The following ARID4B variants were observed in gnomAD, a reference collection of about 807,000 sequenced individuals.
ARID4B encodes the protein AT-rich interaction domain 4B.
In ARID4B, 26 loss-of-function variants were observed where a neutral mutation model predicts 147.5. The ratio of observed to expected loss-of-function variants is 0.18; its 90% CI spans 0.13 to 0.24. ARID4B has a LOEUF of 0.24. ARID4B is among the 10% of genes least tolerant of loss of function. ARID4B has a pLI of 1.00. For missense variants in ARID4B, 1,179 were observed against 1,511.5 expected (o/e 0.78, Z 3.65); for synonymous variants, 512 against 507.9 (o/e 1.01, Z -0.11).
intron 16 of ARID4B, among the ~76,000 whole-genome samples, chr1:235,218,606 T>A (rs989050739): frequency 6.6e-6 from 1 of 152,138 alleles, no homozygotes; most frequent in African/African-American, 2.4e-5. Context: ...TTTTCTTCCA[T>A]GTTTGTATGG....
Position 235,255,743 on chromosome 1 carries a change from G to C in ARID4B, c.191C>G (p.Ala64Gly). The change falls in exon 5 of 24, where the codon GCT becomes GGT. Residue 64 changes from alanine to glycine, a missense_variant. Physicochemically the swap from Ala to Gly is moderately conservative, Grantham distance 60 (BLOSUM62 0). Transcript: ENST00000264183. The part of the protein sequence containing the change: ...DHIKGPLKVG[A>G]IVEVKNLDGA... The stretch of plus-strand genomic sequence containing the variant: ...ATCAAGATTCTTCACTTCCACAATA[G>C]CTCCTACCTAAAGTATTTTTAAACA... 1.2e-6 allele frequency: 2 copies of C among 1,603,270 alleles called. No homozygotes were observed. The highest frequency in any genetic ancestry group is 2.7e-5 in the African/African-American group (2 of 74,466).
chr1:235,275,070 G>A (rs2103157648), intron 2 of ARID4B, among the ~76,000 whole-genome samples: 1 of 152,064 alleles, frequency 6.6e-6, no homozygotes, highest in Admixed American at 6.6e-5. Context: ...GCACATATGA[G>A]GGACCCAACA....
At chr1:235,290,466 G>A (rs1314673265) in intron 2 of ARID4B, among the ~76,000 whole-genome samples, 1 of 150,306 alleles carries the variant, frequency 6.7e-6, no homozygotes, top group Admixed American at 6.7e-5. Context: ...GCTTTAATCA[G>A]TAACCCTACT....
In ARID4B at chr1:235,181,963, T is replaced by C; in HGVS notation, c.2956A>G (p.Lys986Glu). ...ESCSPSVELE[K>E]PPPVNVDSKP... ...CTATCGACATTGACTGGAGGTGGTT[T>C]TTCTAGTTCTACACTGGGTGAACAA... The change falls in exon 20 of 24, where the codon AAA (lysine) becomes GAA (glutamate). Residue 986 changes from lysine to glutamate, a missense_variant. Physicochemically the swap from Lys to Glu is moderately conservative, Grantham distance 56. This residue lies in a region of ARID4B where 357 missense variants were observed against 427.3 expected (regional missense o/e 0.84). Coordinates refer to ENST00000264183, the MANE Select transcript of ARID4B (RefSeq NM_016374.6). 1.9e-6 allele frequency: 3 copies of C among 1,614,044 alleles called. No homozygotes were observed. The highest frequency in any genetic ancestry group is 1.1e-5 in the South Asian group (1 of 91,068).
intron 11 of ARID4B, among the ~76,000 whole-genome samples, chr1:235,227,721 T>C (rs1337768812): frequency 2.6e-5 from 4 of 152,146 alleles, no homozygotes; most frequent in Non-Finnish European, 4.4e-5. Flanking sequence ...CTTTGAGCCA[T>C]ATTTTATGGC....
intron 16 of ARID4B, among the ~76,000 whole-genome samples, chr1:235,218,130 T>G (rs898398915): frequency 6.6e-6 from 1 of 152,196 alleles, no homozygotes; most frequent in Non-Finnish European, 1.5e-5. Context: ...CACAGGTAAC[T>G]GAAACTGTGG....
At chr1:235,309,225 G>A (rs1448416599) in intron 2 of ARID4B, among the ~76,000 whole-genome samples, 5 of 149,904 alleles carry the variant, frequency 3.3e-5, no homozygotes, top group Non-Finnish European at 7.4e-5. Context: ...GAAGTGGGGA[G>A]ACCCTCCACC....
chr1:235,270,435 A>C (rs1422245142), intron 2 of ARID4B, among the ~76,000 whole-genome samples: 1 of 149,464 alleles, frequency 6.7e-6, no homozygotes, highest in East Asian at 1.9e-4. Flanking sequence ...TATCTTCTTA[A>C]AATTTAAGCT....
chr1:235,191,385 A>G (rs559577638), intron 19 of ARID4B, among the ~76,000 whole-genome samples: 1 of 151,912 alleles, frequency 6.6e-6, no homozygotes, highest in South Asian at 2.1e-4. Flanking sequence ...AGTAGCTGGG[A>G]TTACAGGCAC....
intron 10 of ARID4B, 43 bp from the exon 11 acceptor site, chr1:235,229,428 C>A (rs553236717): frequency 1.1e-5 from 14 of 1,323,234 alleles, no homozygotes; most frequent in African/African-American, 1.0e-4. Context: ...GAAATTAAGA[C>A]AATTGTTTTC....
intron 2 of ARID4B, among the ~76,000 whole-genome samples, chr1:235,318,166 T>A (rs1010555227): frequency 8.7e-5 from 12 of 138,628 alleles, no homozygotes; most frequent in African/African-American, 1.9e-4. Context: ...CACTTGCTAC[T>A]CCTTTTTTTT....
chr1:235,209,855 G>A (rs2891027), intron 17 of ARID4B, among the ~76,000 whole-genome samples: 1,567 of 152,194 alleles, frequency 0.01, 24 homozygotes, highest in African/African-American at 0.033. Flanking sequence ...TGAGCTACCC[G>A]TGCCTGGCCT....
chr1:235,267,965 C>T (rs906170341), intron 2 of ARID4B, among the ~76,000 whole-genome samples: 1 of 151,940 alleles, frequency 6.6e-6, no homozygotes, highest in Non-Finnish European at 1.5e-5. Flanking sequence ...TTCTCTGGGG[C>T]CATTTCTTCT....
At chr1:235,326,530 T>C (rs1675274599) in intron 2 of ARID4B, among the ~76,000 whole-genome samples, 1 of 152,252 alleles carries the variant, frequency 6.6e-6, no homozygotes, top group African/African-American at 2.4e-5. Flanking sequence ...ACAGTACTGT[T>C]CACACAATAA....
At chr1:235,174,961 C>G (rs1302795216) in intron 22 of ARID4B, among the ~76,000 whole-genome samples, 1 of 152,112 alleles carries the variant, frequency 6.6e-6, no homozygotes, top group Non-Finnish European at 1.5e-5. Flanking sequence ...AAAAAATTAG[C>G]TGGGTGTGGT....
chr1:235,299,452 T>A (rs11580724), intron 2 of ARID4B, among the ~76,000 whole-genome samples: 27,865 of 152,052 alleles, frequency 0.18, 3,735 homozygotes, highest in African/African-American at 0.38. Flanking sequence ...CTGCCTCCCA[T>A]AGTACTCAGA....
chr1:235,305,880 G>A (rs544611472), intron 2 of ARID4B, among the ~76,000 whole-genome samples: 51 of 152,120 alleles, frequency 3.4e-4, no homozygotes, highest in Non-Finnish European at 2.8e-4. Flanking sequence ...GGATCACCTG[G>A]GCCCAAGAGG....
At chr1:235,192,381 A>G (rs189309718) in intron 19 of ARID4B, among the ~76,000 whole-genome samples, 16 of 152,366 alleles carry the variant, frequency 1.1e-4, no homozygotes, top group Admixed American at 3.9e-4. Flanking sequence ...GCTACTGTGG[A>G]GACATACTAG....
At chr1:235,270,116 T>C (rs1014370053) in intron 2 of ARID4B, among the ~76,000 whole-genome samples, 23 of 152,200 alleles carry the variant, frequency 1.5e-4, no homozygotes, top group African/African-American at 4.8e-4. Context: ...ACCCCGTCTC[T>C]ACTAAACATA....
Sources: gnomAD v4.1 joint callset for allele counts (sites outside exome capture counted in the v4.1 genomes callset) on GRCh38, gnomAD v4.1.1 for gene constraint, gnomAD v4.1.1 regional missense constraint, MANE v1.5 for transcripts, NCBI Gene and HGNC (gene_info 2026-07-23, HGNC 2026-07-21) for gene names.